INPP4B: variants seen among roughly 807,000 people sequenced by gnomAD.
INPP4B encodes the protein inositol polyphosphate-4-phosphatase type II B, also known as inositol polyphosphate 4-phosphatase type II.
INPP4B carries 55 observed loss-of-function variants against 122.5 expected under a neutral mutation model. That is an observed-to-expected ratio of 0.45 (90% confidence interval 0.36 to 0.56). INPP4B has a LOEUF of 0.56. Ranked by LOEUF, INPP4B falls within the 20% of genes least tolerant of loss-of-function variation. The pLI, the probability that INPP4B is intolerant of heterozygous loss-of-function variation, is 0.00. For synonymous variants in INPP4B, 403 were observed against 388.7 expected, an observed-to-expected ratio of 1.04 and a Z score of -0.43; for missense variants, 1,000 against 1,097.7, an observed-to-expected ratio of 0.91 and a Z score of 1.26.
intron 18 of INPP4B, among the ~76,000 whole-genome samples, chr4:142,129,915 T>C (rs918895985): frequency 7.2e-5 from 11 of 152,224 alleles, no homozygotes; most frequent in Admixed American, 2.0e-4. Context: ...TGTGAGGTGC[T>C]GTGGGTGATA....
intron 3 of INPP4B, among the ~76,000 whole-genome samples, chr4:142,438,876 C>G (rs1328366907): frequency 6.6e-6 from 1 of 152,136 alleles, no homozygotes; most frequent in African/African-American, 2.4e-5. Flanking sequence ...AGAACCCCAG[C>G]AAGACATTAA....
In INPP4B at chr4:142,173,748, T is replaced by G. The variant is rs1826654988; in HGVS notation, c.1243A>C (p.Ser415Arg). 6.2e-7 allele frequency: 1 copy of G among 1,613,380 alleles called. No individual in the cohort carries two copies. The highest frequency in any genetic ancestry group is 2.2e-5 in the East Asian group (1 of 44,848). The change falls in exon 16 of 26, where the codon AGC becomes CGC. Residue 415 changes from serine (S) to arginine (R), a missense_variant. Coordinates refer to ENST00000262992, the MANE Select transcript of INPP4B (RefSeq NM_001101669.3). ...AGAGGTTGTAGTTGATTGATGTTGC[T>G]GAGAACTTCCTTTGCTTTGGCTGTG... ...ENTAKAKEVLSNINQLQPLIA... is the reference protein window; with the variant it reads ...ENTAKAKEVLRNINQLQPLIA...
intron 25 of INPP4B, among the ~76,000 whole-genome samples, chr4:142,056,418 C>T (rs1366008084): frequency 6.6e-6 from 1 of 152,088 alleles, no homozygotes; most frequent in Non-Finnish European, 1.5e-5. Context: ...AGTTGTCTCC[C>T]TTTTCTGAAT....
At chr4:142,717,178 T>C (rs1399087207) in intron 2 of INPP4B, among the ~76,000 whole-genome samples, 1 of 152,164 alleles carries the variant, frequency 6.6e-6, no homozygotes, top group African/African-American at 2.4e-5. Context: ...TTGAAATACA[T>C]GCTAATGAGA....
intron 11 of INPP4B, among the ~76,000 whole-genome samples, chr4:142,257,842 GA>G (rs1436609120): frequency 1.3e-5 from 2 of 151,948 alleles, no homozygotes; most frequent in African/African-American, 4.8e-5. Flanking sequence ...CACAGAATTG[GA>G]AAAAACTACT....
chr4:142,842,466 A>G (rs1028154525), intron 1 of INPP4B, among the ~76,000 whole-genome samples: 1 of 148,174 alleles, frequency 6.7e-6, no homozygotes, highest in Non-Finnish European at 1.5e-5. Context: ...TACTTCCAAG[A>G]AATAAGAAAT....
chr4:142,533,513 C>A (rs1293915033), intron 2 of INPP4B, among the ~76,000 whole-genome samples: 1 of 151,812 alleles, frequency 6.6e-6, no homozygotes, highest in Admixed American at 6.6e-5. Context: ...CAGGATGACT[C>A]AACAACACCC....
chr4:142,396,277 C>A (rs538461025), intron 7 of INPP4B, among the ~76,000 whole-genome samples: 98 of 152,080 alleles, frequency 6.4e-4, no homozygotes, highest in African/African-American at 2.3e-3. Flanking sequence ...GAAAAAGAAC[C>A]CTTTTTTTAA....
At chr4:142,639,954 A>C (rs891711577) in intron 2 of INPP4B, among the ~76,000 whole-genome samples, 1 of 152,134 alleles carries the variant, frequency 6.6e-6, no homozygotes, top group African/African-American at 2.4e-5. Flanking sequence ...TACTACTTCT[A>C]GATGTGACCA....
At chr4:142,840,427 TC>T (rs1783342479) in intron 1 of INPP4B, among the ~76,000 whole-genome samples, 2 of 152,190 alleles carry the variant, frequency 1.3e-5, no homozygotes, top group Non-Finnish European at 2.9e-5. Flanking sequence ...TAATTTTTTT[TC>T]CTTTCTCTTA....
intron 11 of INPP4B, among the ~76,000 whole-genome samples, chr4:142,251,574 C>T (rs540213458): frequency 6.6e-6 from 1 of 151,942 alleles, no homozygotes; most frequent in African/African-American, 2.4e-5. Flanking sequence ...TAGTACATAC[C>T]CCACAATATT....
intron 14 of INPP4B, among the ~76,000 whole-genome samples, chr4:142,205,268 T>C (rs987739405): frequency 2.6e-5 from 4 of 152,118 alleles, no homozygotes; most frequent in African/African-American, 9.7e-5. Context: ...GAATACATAA[T>C]TAAATATGAA....
At chr4:142,654,389 A>AAAAAC (rs1553983869) in intron 2 of INPP4B, 5 of 148,522 alleles carry the variant, frequency 3.4e-5, no homozygotes, top group African/African-American at 5.0e-5. Context: ...AAAAAAAAAA[A>AAAAAC]CATAAAATGA....
intron 18 of INPP4B, among the ~76,000 whole-genome samples, chr4:142,138,548 T>TA (rs1217745004): frequency 1.3e-5 from 2 of 151,740 alleles, no homozygotes; most frequent in East Asian, 1.9e-4. Flanking sequence ...ATAATAAAAT[T>TA]AAAAAAAATT....
intron 7 of INPP4B, among the ~76,000 whole-genome samples, chr4:142,361,780 T>C (rs976633102): frequency 1.3e-5 from 2 of 151,962 alleles, no homozygotes; most frequent in Non-Finnish European, 2.9e-5. Context: ...TATTGTCACC[T>C]TTTATTATCA....
At chr4:142,566,186 A>G (rs1285502237) in intron 2 of INPP4B, 5 of 152,248 alleles carry the variant, frequency 3.3e-5, no homozygotes, top group African/African-American at 1.2e-4. Context: ...AACTGGAAGC[A>G]GAAGGTAGGA....
intron 2 of INPP4B, among the ~76,000 whole-genome samples, chr4:142,605,698 C>A (rs1371715217): frequency 6.6e-6 from 1 of 151,870 alleles, no homozygotes; most frequent in Non-Finnish European, 1.5e-5. Flanking sequence ...CATCATTAAT[C>A]ATATGGGAAA....
intron 23 of INPP4B, among the ~76,000 whole-genome samples, chr4:142,089,534 G>A (rs1046467918): frequency 2.0e-5 from 3 of 151,276 alleles, no homozygotes; most frequent in African/African-American, 7.3e-5. Flanking sequence ...GTAGTAATTA[G>A]TTTGACTATG....
chr4:142,272,399 A>G (rs190934550), intron 9 of INPP4B, among the ~76,000 whole-genome samples: 9 of 152,188 alleles, frequency 5.9e-5, no homozygotes, highest in African/African-American at 2.2e-4. Flanking sequence ...TCATAGTGCA[A>G]TAAAATAAAA....
Sources: gnomAD v4.1 joint callset for allele counts (sites outside exome capture counted in the v4.1 genomes callset) on GRCh38, gnomAD v4.1.1 for gene constraint, MANE v1.5 for transcripts, NCBI Gene and HGNC (gene_info 2026-07-23, HGNC 2026-07-21) for gene names.